The following LIPI variants were observed in gnomAD, a reference collection of about 807,000 sequenced individuals.
LIPI encodes lipase member I.
Under a neutral mutation model 50.6 loss-of-function variants are expected in LIPI, and 59 were observed. The observed-to-expected ratio is 1.16, with a 90% CI of 0.94 to 1.45. The LOEUF is 1.45. Ranked by LOEUF, LIPI falls within the 40% of genes most tolerant of loss-of-function variation. The pLI is 0.00. For missense variants in LIPI, 586 were observed against 536.3 expected, an observed-to-expected ratio of 1.09 and a Z score of -0.92; for synonymous variants, 203 against 178.2, an observed-to-expected ratio of 1.14 and a Z score of -1.11.
intron 8 of LIPI, among the ~76,000 whole-genome samples, chr21:14,145,115 A>G (rs1167499120): frequency 7.2e-5 from 2 of 27,888 alleles, no homozygotes; most frequent in Admixed American, 4.9e-4. Context: ...AAGTCATCCT[A>G]TATGTGTTTT....
intron 9 of LIPI, among the ~76,000 whole-genome samples, chr21:14,132,973 C>T (rs778002015): frequency 6.6e-6 from 1 of 152,042 alleles, no homozygotes; most frequent in East Asian, 1.9e-4. Context: ...CCTCAACAGA[C>T]CAAAAATGAG....
chr21:14,182,561 C>T (rs1600910195), intron 3 of LIPI, among the ~76,000 whole-genome samples: 1 of 152,032 alleles, frequency 6.6e-6, no homozygotes, highest in African/African-American at 2.4e-5. Context: ...TAAAATATAG[C>T]ACCAATAACA....
At chr21:14,208,401 T>C (rs2020280984) in intron 1 of LIPI, among the ~76,000 whole-genome samples, 2 of 152,222 alleles carry the variant, frequency 1.3e-5, no homozygotes, top group Non-Finnish European at 2.9e-5. Context: ...GTTTTTCACT[T>C]TCCTCAACTG....
chr21:14,165,298 G>T lies in LIPI; in HGVS notation c.826C>A (p.Arg276Ser). The change falls in exon 6 of 10, where the codon CGT becomes AGT. Residue 276 changes from arginine (R) to serine (S), a missense_variant. Transcript: ENST00000681601. ...CTAGTCTTGTAATCTTTGTATGAAC[G>T]ACAAGGAAATGAAATAAAATTGCAG... ...TNCNFISFPC[R>S]SYKDYKTSLC... is the part of the protein sequence containing the mutation. The T allele has an allele frequency of 6.2e-7, 1 of 1,611,520 alleles. No individual in the cohort carries two copies. The highest frequency in any genetic ancestry group is 1.1e-5 in the South Asian group (1 of 90,978).
At chr21:14,196,488 GT>G (rs777315125) in intron 1 of LIPI, among the ~76,000 whole-genome samples, 3 of 152,138 alleles carry the variant, frequency 2.0e-5, no homozygotes, top group East Asian at 3.9e-4. Flanking sequence ...TGATTTTATG[GT>G]TGTTATATAA....
chr21:14,173,482 T>C (rs1343582878), intron 4 of LIPI, among the ~76,000 whole-genome samples: 1 of 152,192 alleles, frequency 6.6e-6, no homozygotes, highest in Non-Finnish European at 1.5e-5. Context: ...AGAGAAGCCT[T>C]AACAGTGAAA....
intron 1 of LIPI, among the ~76,000 whole-genome samples, chr21:14,196,198 G>T (rs1462274984): frequency 1.4e-5 from 2 of 140,452 alleles, no homozygotes; most frequent in African/African-American, 5.2e-5. Flanking sequence ...TAAATAAACT[G>T]TGGCATGTCT....
intron 9 of LIPI, among the ~76,000 whole-genome samples, chr21:14,124,461 C>T (rs1371086511): frequency 6.6e-6 from 1 of 152,158 alleles, no homozygotes; most frequent in Non-Finnish European, 1.5e-5. Flanking sequence ...TCCTTCTGTG[C>T]TCAGCGAGCC....
At chr21:14,150,130 G>A (rs1206082533) in intron 8 of LIPI, among the ~76,000 whole-genome samples, 2 of 152,164 alleles carry the variant, frequency 1.3e-5, no homozygotes, top group East Asian at 3.9e-4. Flanking sequence ...CACACCCTCT[G>A]AAATCTAGGT....
intron 7 of LIPI, among the ~76,000 whole-genome samples, chr21:14,152,985 C>CA (rs1166289747): frequency 6.6e-6 from 1 of 151,988 alleles, no homozygotes; most frequent in Non-Finnish European, 1.5e-5. Flanking sequence ...AAAACAAAAA[C>CA]TTTTCAGAAA....
chr21:14,166,704 A>G (rs2018698918), intron 4 of LIPI, among the ~76,000 whole-genome samples: 1 of 152,186 alleles, frequency 6.6e-6, no homozygotes, highest in Non-Finnish European at 1.5e-5. Context: ...TGACCGCATA[A>G]GTGAAAAAAG....
intron 1 of LIPI, among the ~76,000 whole-genome samples, chr21:14,191,920 G>T (rs1427827264): frequency 6.6e-6 from 1 of 152,180 alleles, no homozygotes; most frequent in African/African-American, 2.4e-5. Flanking sequence ...CCTCCAATGT[G>T]CTAGGTTCTA....
chr21:14,135,615 G>A (rs2017467459), intron 9 of LIPI, among the ~76,000 whole-genome samples: 1 of 152,166 alleles, frequency 6.6e-6, no homozygotes, highest in South Asian at 2.1e-4. Flanking sequence ...TTTAAACCAG[G>A]CCTTGCCACA....
chr21:14,166,818 G>T (rs888090476), intron 4 of LIPI, among the ~76,000 whole-genome samples: 2 of 152,226 alleles, frequency 1.3e-5, no homozygotes, highest in Admixed American at 1.3e-4. Context: ...ATTTCCATCT[G>T]AGGTACCGGG....
intron 9 of LIPI, among the ~76,000 whole-genome samples, chr21:14,131,163 G>C (rs1213215056): frequency 6.6e-6 from 1 of 152,022 alleles, no homozygotes; most frequent in Non-Finnish European, 1.5e-5. Flanking sequence ...TGTTAGCCAG[G>C]ATGGTCTCGA....
At chr21:14,174,555 T>C (rs2019028361) in intron 4 of LIPI, among the ~76,000 whole-genome samples, 1 of 151,754 alleles carries the variant, frequency 6.6e-6, no homozygotes, top group Non-Finnish European at 1.5e-5. Flanking sequence ...TTTTATTTTA[T>C]TTTATTTTAT....
At chr21:14,167,421 C>T (rs1452092948) in intron 4 of LIPI, among the ~76,000 whole-genome samples, 1 of 152,162 alleles carries the variant, frequency 6.6e-6, no homozygotes, top group African/African-American at 2.4e-5. Flanking sequence ...TCAAGTGGGT[C>T]CCTGACCCCC....
In LIPI at chr21:14,191,350, C is replaced by G. The variant is rs868702802; in HGVS notation, c.47-1931G>C. 3.4e-3 allele frequency among the ~76,000 whole-genome samples: 486 copies of G among 142,330 alleles called. 3 individuals carry two copies. Among genetic ancestry groups the G allele is most frequent in the African/African-American group, 0.012 (468 of 37,666 alleles). The allele number at this position is 142,330 out of a possible 152,430, so 93.4% of individuals were successfully genotyped here. A position where few individuals can be genotyped will look rare whatever the true frequency, so the allele number is the denominator to read the frequency against. The stretch of plus-strand genomic sequence containing the variant: ...CGAGATCCCGCCACTGCACTCCAGC[C>G]TGGGCGACAGAGCAAGACTCCGTCT... On this transcript the variant is annotated intron_variant, in intron 1 of 9. Transcript: ENST00000681601.
chr21:14,188,286 A>G (rs1047815956), intron 2 of LIPI, among the ~76,000 whole-genome samples: 13 of 152,208 alleles, frequency 8.5e-5, no homozygotes, highest in African/African-American at 3.1e-4. Flanking sequence ...GAAGTATGCT[A>G]CTTTTCAAAA....
Sources: allele counts gnomAD v4.1 joint callset (sites outside exome capture counted in the v4.1 genomes callset), GRCh38; gene constraint gnomAD v4.1.1; transcripts MANE v1.5; gene names NCBI Gene and HGNC (gene_info 2026-07-23, HGNC 2026-07-21).